The following LRMDA variants were observed in gnomAD, a reference collection of about 807,000 sequenced individuals.
LRMDA encodes leucine rich melanocyte differentiation associated.
A neutral mutation model predicts 29.8 loss-of-function variants in LRMDA; 18 were observed. The observed-to-expected ratio is 0.60, with a 90% CI of 0.42 to 0.90. LRMDA has a LOEUF of 0.90. Among genes scored for constraint, LRMDA ranks in the 40% least tolerant of loss-of-function variants. The pLI is 0.00. For synonymous variants in LRMDA, 125 were observed against 109.4 expected (o/e 1.14, Z -0.89); for missense variants, 273 against 273.9 (o/e 1.00, Z 0.02).
At chr10:76,357,118 C>T (rs1841250928) in intron 6 of LRMDA, among the ~76,000 whole-genome samples, 1 of 152,212 alleles carries the variant, frequency 6.6e-6, no homozygotes, top group Non-Finnish European at 1.5e-5. Context: ...TTTCCCCTCT[C>T]TTCCAACCCT....
At chr10:75,980,064 C>G (rs1589275270) in intron 2 of LRMDA, among the ~76,000 whole-genome samples, 1 of 152,086 alleles carries the variant, frequency 6.6e-6, no homozygotes. Context: ...CAGCAACTTC[C>G]CAGATACCCA....
At chr10:75,754,526 C>T (rs1204508604) in intron 2 of LRMDA, among the ~76,000 whole-genome samples, 1 of 151,928 alleles carries the variant, frequency 6.6e-6, no homozygotes, top group Non-Finnish European at 1.5e-5. Flanking sequence ...TTCTTTTTTT[C>T]GCCTAACTGC....
At chr10:76,380,131 T>C (rs1473379556) in intron 6 of LRMDA, among the ~76,000 whole-genome samples, 1 of 152,164 alleles carries the variant, frequency 6.6e-6, no homozygotes, top group Admixed American at 6.5e-5. Context: ...TGGCCTAAAA[T>C]GTCTATTTTG....
chr10:75,487,033 T>G (rs1396785207), intron 2 of LRMDA, among the ~76,000 whole-genome samples: 1 of 152,212 alleles, frequency 6.6e-6, no homozygotes, highest in South Asian at 2.1e-4. Context: ...GTGTCTGATA[T>G]GTACTTGCTA....
At chr10:76,070,529 G>A (rs960419772) in intron 5 of LRMDA, among the ~76,000 whole-genome samples, 1 of 152,170 alleles carries the variant, frequency 6.6e-6, no homozygotes, top group African/African-American at 2.4e-5. Context: ...TATTGGATTA[G>A]GGTCTCATTT....
At chr10:76,207,855 T>A (rs1357191437) in intron 5 of LRMDA, among the ~76,000 whole-genome samples, 1 of 152,088 alleles carries the variant, frequency 6.6e-6, no homozygotes, top group African/African-American at 2.4e-5. Context: ...TCCCAGCTAC[T>A]TGGAAGCCTG....
chr10:76,188,132 G>T (rs1475650801), intron 5 of LRMDA, among the ~76,000 whole-genome samples: 1 of 152,124 alleles, frequency 6.6e-6, no homozygotes. Flanking sequence ...TCATTTCCTG[G>T]GCAGAGATTC....
intron 2 of LRMDA, among the ~76,000 whole-genome samples, chr10:75,909,693 T>C (rs919561667): frequency 6.6e-6 from 1 of 152,210 alleles, no homozygotes; most frequent in African/African-American, 2.4e-5. Flanking sequence ...AATTTCTTCA[T>C]ATGTAAAACA....
intron 2 of LRMDA, among the ~76,000 whole-genome samples, chr10:75,586,344 C>CTTTTTTT (rs748097971): frequency 2.4e-4 from 7 of 29,014 alleles, no homozygotes; most frequent in Non-Finnish European, 2.7e-4. Flanking sequence ...ACCAACACGT[C>CTTTTTTT]TTTTTTTTTT....
At chr10:76,504,312 T>C (rs1367896809) in intron 6 of LRMDA, among the ~76,000 whole-genome samples, 1 of 152,002 alleles carries the variant, frequency 6.6e-6, no homozygotes, top group Non-Finnish European at 1.5e-5. Flanking sequence ...CTGTTGCAGT[T>C]GGGTATAGTA....
chr10:76,492,654 A>G (rs551316751), intron 6 of LRMDA, among the ~76,000 whole-genome samples: 1 of 152,050 alleles, frequency 6.6e-6, no homozygotes, highest in Non-Finnish European at 1.5e-5. Context: ...AGACTGGGTA[A>G]TTTACAAAGG....
chr10:75,465,732 C>A (rs147478403), intron 2 of LRMDA, among the ~76,000 whole-genome samples: 4 of 152,168 alleles, frequency 2.6e-5, no homozygotes, highest in Non-Finnish European at 5.9e-5. Flanking sequence ...ATCCTTCCCC[C>A]CTTCCCCCAA....
intron 5 of LRMDA, among the ~76,000 whole-genome samples, chr10:76,227,606 G>A (rs137855438): frequency 1.4e-3 from 214 of 152,258 alleles, no homozygotes; most frequent in Non-Finnish European, 2.4e-3. Context: ...AAATTGTAAA[G>A]CCATTCTTGT....
chr10:76,397,246 G>A (rs1230192836), intron 6 of LRMDA, among the ~76,000 whole-genome samples: 1 of 152,102 alleles, frequency 6.6e-6, no homozygotes, highest in African/African-American at 2.4e-5. Flanking sequence ...GCCGGGCTTT[G>A]CTCAGTTGTC....
At chr10:75,969,893 T>G (rs1385810595) in intron 2 of LRMDA, among the ~76,000 whole-genome samples, 1 of 152,218 alleles carries the variant, frequency 6.6e-6, no homozygotes, top group African/African-American at 2.4e-5. Context: ...GCTCCAATGC[T>G]GATATCATAG....
intron 2 of LRMDA, among the ~76,000 whole-genome samples, chr10:75,550,207 C>T (rs1291041084): frequency 1.3e-5 from 2 of 152,126 alleles, no homozygotes; most frequent in African/African-American, 4.8e-5. Context: ...TCAGTTAATT[C>T]AATTTGGTTG....
chr10:76,432,117 G>A (rs1412368288), intron 6 of LRMDA, among the ~76,000 whole-genome samples: 1 of 152,134 alleles, frequency 6.6e-6, no homozygotes, highest in African/African-American at 2.4e-5. Flanking sequence ...TAAAACTTGA[G>A]TCCTGGCTGA....
At chr10:76,313,232 G>A (rs1199942010) in intron 5 of LRMDA, among the ~76,000 whole-genome samples, 2 of 152,136 alleles carry the variant, frequency 1.3e-5, no homozygotes, top group African/African-American at 2.4e-5. Context: ...GTGACTCCTC[G>A]TGAAACTTTG....
At chr10:76,536,806 TATA>T (rs1843296412) in intron 6 of LRMDA, among the ~76,000 whole-genome samples, 2 of 152,198 alleles carry the variant, frequency 1.3e-5, no homozygotes, top group Non-Finnish European at 2.9e-5. Flanking sequence ...TGTTCCCCTT[TATA>T]ATTAATAAGT....
Sources: allele counts gnomAD v4.1 joint callset (sites outside exome capture counted in the v4.1 genomes callset), GRCh38; gene constraint gnomAD v4.1.1; transcripts MANE v1.5; gene names NCBI Gene and HGNC (gene_info 2026-07-23, HGNC 2026-07-21).